FOCAD: variants seen among roughly 807,000 people sequenced by gnomAD.
FOCAD encodes KIAA1797.
In FOCAD, 198 loss-of-function variants were observed where a neutral mutation model predicts 225.6. The ratio of observed to expected loss-of-function variants is 0.88; its 90% confidence interval spans 0.78 to 0.99. The LOEUF (loss-of-function observed/expected upper bound fraction) is 0.99, where lower values mean the gene tolerates loss of function less well. Ranked by LOEUF, FOCAD falls within the 50% of genes least tolerant of loss-of-function variation. The pLI, the probability that FOCAD is intolerant of heterozygous loss-of-function variation, is 0.00. For missense variants in FOCAD, 2,713 were observed against 2,123.6 expected, an observed-to-expected ratio of 1.28 and a Z score of -5.46; for synonymous variants, 897 against 755.0, an observed-to-expected ratio of 1.19 and a Z score of -3.08.
intron 41 of FOCAD, among the ~76,000 whole-genome samples, chr9:20,989,683 G>A (rs1489868863): frequency 6.6e-6 from 1 of 152,154 alleles, no homozygotes; most frequent in Non-Finnish European, 1.5e-5. Context: ...AATGAAGAAA[G>A]ACTTGCTCAA....
At chr9:20,850,303 T>A (rs1827521300) in intron 15 of FOCAD, among the ~76,000 whole-genome samples, 1 of 151,742 alleles carries the variant, frequency 6.6e-6, no homozygotes, top group Non-Finnish European at 1.5e-5. Context: ...TGTATTATTT[T>A]ATTTTTATTT....
chr9:20,791,106 A>G (rs1820481130), intron 11 of FOCAD, among the ~76,000 whole-genome samples: 2 of 152,158 alleles, frequency 1.3e-5, no homozygotes, highest in South Asian at 4.1e-4. Flanking sequence ...GTTAATGCAG[A>G]TAATGCCTGG....
chr9:20,789,496 T>C lies in FOCAD; in HGVS notation c.1343T>C (p.Ile448Thr). The change falls in exon 11 of 44, where the codon ATC becomes ACC. Residue 448 changes from isoleucine to threonine, a missense_variant. Ile to Thr is a moderately conservative substitution (Grantham distance 89, BLOSUM62 -1). Transcript: ENST00000338382. ...TCATTGCTTCCTATTACTGCTGTGA[T>C]CCCTGCGCCTGCCTTTCTTCTGCTG... ...VESLLPITAV[I>T]PAPAFLLLAH... The C allele has an allele frequency of 1.2e-6, 2 of 1,613,978 alleles. No individual in the cohort carries two copies. Among genetic ancestry groups the C allele is most frequent in the Non-Finnish European group, 1.7e-6 (2 of 1,179,974 alleles).
chr9:20,895,850 CATACATTT>C (rs1399913061), intron 21 of FOCAD, among the ~76,000 whole-genome samples: 8 of 151,832 alleles, frequency 5.3e-5, no homozygotes, highest in Non-Finnish European at 1.0e-4. Context: ...TTCCCTTCAG[CATACATTT>C]TACTTTCTCT....
At chr9:20,755,944 A>AT (rs1396650175) in intron 5 of FOCAD, among the ~76,000 whole-genome samples, 1 of 151,948 alleles carries the variant, frequency 6.6e-6, no homozygotes, top group Non-Finnish European at 1.5e-5. Context: ...ACAGGTGTGA[A>AT]TCACTGCTAC....
chr9:20,934,109 C>A lies in FOCAD; in HGVS notation c.3407+1006C>A, dbSNP rs141561394. 6.3e-3 allele frequency among the ~76,000 whole-genome samples: 965 copies of A among 152,126 alleles called. 11 individuals are homozygous for A. The highest frequency in any genetic ancestry group is 0.022 in the African/African-American group (910 of 41,492). Reference sequence around the variant, plus strand: ...TTTGTTGTAGATTCTGGATATTAGTCCTTTGTCAGTTGTATATAGATTGTG... The same window carrying A: ...TTTGTTGTAGATTCTGGATATTAGTACTTTGTCAGTTGTATATAGATTGTG... On this transcript the variant is annotated intron_variant, in intron 28 of 43. Coordinates refer to ENST00000338382, the MANE Select transcript of FOCAD (RefSeq NM_001375567.1).
At chr9:20,805,481 C>G (rs1337507707) in intron 11 of FOCAD, among the ~76,000 whole-genome samples, 2 of 152,092 alleles carry the variant, frequency 1.3e-5, no homozygotes, top group Non-Finnish European at 2.9e-5. Context: ...TAGGAAGAAA[C>G]AAAGTGATCA....
At chr9:20,731,023 G>A (rs1193287642) in intron 4 of FOCAD, among the ~76,000 whole-genome samples, 1 of 152,106 alleles carries the variant, frequency 6.6e-6, no homozygotes, top group Non-Finnish European at 1.5e-5. Context: ...ATCACCTGAG[G>A]TCAGGAGTTT....
intron 15 of FOCAD, among the ~76,000 whole-genome samples, chr9:20,859,273 T>G (rs1828531515): frequency 6.6e-6 from 1 of 151,894 alleles, no homozygotes; most frequent in African/African-American, 2.4e-5. Flanking sequence ...TTCCAGCTAC[T>G]TGGGAGGCTG....
At chr9:20,696,021 G>A (rs192420277) in intron 1 of FOCAD, among the ~76,000 whole-genome samples, 1 of 152,326 alleles carries the variant, frequency 6.6e-6, no homozygotes, top group East Asian at 1.9e-4. Context: ...CAAGAATTTA[G>A]GAGACTCATG....
At chr9:20,926,924 A>G (rs1835010050) in intron 26 of FOCAD, among the ~76,000 whole-genome samples, 1 of 151,010 alleles carries the variant, frequency 6.6e-6, no homozygotes, top group Non-Finnish European at 1.5e-5. Context: ...AAATATGAAA[A>G]TATTATATAT....
chr9:20,766,327 T>G (rs1247288903), intron 7 of FOCAD, among the ~76,000 whole-genome samples: 1 of 152,198 alleles, frequency 6.6e-6, no homozygotes, highest in Non-Finnish European at 1.5e-5. Context: ...ATTTAACAAA[T>G]CAGCTTTATT....
chr9:20,976,506 A>G lies in FOCAD; in HGVS notation c.4219A>G (p.Asn1407Asp). ...AGAAAGCTACCAATATCCTCCTGTG[A>G]ACTGGGCTGCACTTCTCTCTCCACT... ...VGESYQYPPVNWAALLSPLMR... is the reference protein window; with the variant it reads ...VGESYQYPPVDWAALLSPLMR... Residue 1407 changes from asparagine to aspartate, a missense_variant, in exon 36 of 44, where the codon AAC becomes GAC. Asn to Asp is a conservative substitution (Grantham distance 23). Transcript: ENST00000338382. The G allele has an allele frequency of 6.2e-7, 1 of 1,613,400 alleles. No homozygotes were observed. Among genetic ancestry groups the G allele is most frequent in the South Asian group, 1.1e-5 (1 of 91,080 alleles).
At chr9:20,843,728 T>G (rs1299319029) in intron 15 of FOCAD, among the ~76,000 whole-genome samples, 1 of 152,154 alleles carries the variant, frequency 6.6e-6, no homozygotes, top group African/African-American at 2.4e-5. Flanking sequence ...TCTAGGATTT[T>G]CCTTAGATTT....
At chr9:20,895,642 G>A (rs1488790696) in intron 21 of FOCAD, among the ~76,000 whole-genome samples, 2 of 151,574 alleles carry the variant, frequency 1.3e-5, no homozygotes, top group South Asian at 2.1e-4. Context: ...TAATGTAAAC[G>A]CTATTGTGTT....
intron 21 of FOCAD, among the ~76,000 whole-genome samples, chr9:20,891,185 G>C (rs1403542181): frequency 6.6e-6 from 1 of 152,126 alleles, no homozygotes; most frequent in Non-Finnish European, 1.5e-5. Flanking sequence ...AATGTTGTGT[G>C]ATTTTTTATT....
intron 15 of FOCAD, among the ~76,000 whole-genome samples, chr9:20,836,804 CAT>C (rs1259981868): frequency 1.3e-5 from 2 of 151,860 alleles, no homozygotes; most frequent in African/African-American, 4.8e-5. Flanking sequence ...ACACATAAGT[CAT>C]ATATGAAACG....
intron 11 of FOCAD, among the ~76,000 whole-genome samples, chr9:20,804,651 G>A (rs1373302648): frequency 6.6e-6 from 1 of 152,106 alleles, no homozygotes; most frequent in Non-Finnish European, 1.5e-5. Flanking sequence ...CCATGCTTCA[G>A]GGGGAAAAAT....
chr9:20,750,423 T>C (rs1427113574), intron 5 of FOCAD, among the ~76,000 whole-genome samples: 1 of 152,202 alleles, frequency 6.6e-6, no homozygotes, highest in Non-Finnish European at 1.5e-5. Context: ...TTATATTAAA[T>C]GCTTTACTTA....
Sources: allele counts gnomAD v4.1 joint callset (sites outside exome capture counted in the v4.1 genomes callset), GRCh38; gene constraint gnomAD v4.1.1; transcripts MANE v1.5; gene names NCBI Gene and HGNC (gene_info 2026-07-23, HGNC 2026-07-21).